The following HTR4 variants were observed in gnomAD, a reference collection of about 807,000 sequenced individuals.
HTR4 encodes 5-hydroxytryptamine (serotonin) receptor 4, G protein-coupled.
In HTR4, 16 loss-of-function variants were observed where a neutral mutation model predicts 36.8. That is an observed-to-expected ratio of 0.43 (90% confidence interval 0.29 to 0.66). HTR4 has a LOEUF of 0.66. Ranked by LOEUF, HTR4 falls within the 30% of genes least tolerant of loss-of-function variation. The probability of loss-of-function intolerance (pLI) is 0.13; values close to 1 mark genes in which losing one functional copy is unlikely to be tolerated. For synonymous variants in HTR4, 189 were observed against 185.1 expected (o/e 1.02, Z -0.17); for missense variants, 438 against 490.9 (o/e 0.89, Z 1.02).
At chr5:148,497,246 G>A (rs111749405) in intron 6 of HTR4, among the ~76,000 whole-genome samples, 14 of 152,240 alleles carry the variant, frequency 9.2e-5, no homozygotes, top group African/African-American at 3.4e-4. Context: ...GGAGTGGAGT[G>A]CAGTGGCACA....
intron 4 of HTR4, among the ~76,000 whole-genome samples, chr5:148,547,292 A>G (rs1364142774): frequency 1.3e-5 from 2 of 152,142 alleles, no homozygotes; most frequent in Non-Finnish European, 2.9e-5. Flanking sequence ...AGTTTCAGTC[A>G]ACTACTTTTC....
chr5:148,560,616 T>C (rs1760164777), intron 2 of HTR4, among the ~76,000 whole-genome samples: 1 of 152,238 alleles, frequency 6.6e-6, no homozygotes, highest in African/African-American at 2.4e-5. Context: ...ACCTACCATA[T>C]GGCAAACAAT....
intron 1 of HTR4, among the ~76,000 whole-genome samples, chr5:148,640,136 G>A (rs1327907217): frequency 1.3e-5 from 2 of 152,114 alleles, no homozygotes; most frequent in African/African-American, 2.4e-5. Flanking sequence ...TCCAAAACTC[G>A]AGCTTTAGCT....
chr5:148,532,388 A>G (rs1015962330), intron 4 of HTR4, among the ~76,000 whole-genome samples: 2 of 152,210 alleles, frequency 1.3e-5, no homozygotes, highest in Non-Finnish European at 2.9e-5. Flanking sequence ...GGCTAGTACA[A>G]TGCCAGATAT....
intron 2 of HTR4, among the ~76,000 whole-genome samples, chr5:148,609,595 T>C (rs945888342): frequency 6.6e-6 from 1 of 151,638 alleles, no homozygotes; most frequent in Admixed American, 6.6e-5. Context: ...TTTTTTTTTT[T>C]TGAGACTCCG....
intron 2 of HTR4, among the ~76,000 whole-genome samples, chr5:148,624,161 C>T (rs1753010315): frequency 6.6e-6 from 1 of 152,150 alleles, no homozygotes; most frequent in Admixed American, 6.5e-5. Flanking sequence ...AGTAGCAGCA[C>T]TTGTAGAAGA....
At chr5:148,497,549 C>A (rs1756742231) in intron 6 of HTR4, among the ~76,000 whole-genome samples, 1 of 152,142 alleles carries the variant, frequency 6.6e-6, no homozygotes, top group South Asian at 2.1e-4. Flanking sequence ...TCTTATTCCT[C>A]ACTTTAGTGG....
chr5:148,643,562 G>A (rs1346504714), intron 1 of HTR4, among the ~76,000 whole-genome samples: 1 of 152,170 alleles, frequency 6.6e-6, no homozygotes, highest in East Asian at 1.9e-4. Flanking sequence ...ATGTGCTTTT[G>A]CAATCACTTG....
At chr5:148,588,787 G>A (rs1761448334) in intron 2 of HTR4, among the ~76,000 whole-genome samples, 1 of 151,146 alleles carries the variant, frequency 6.6e-6, no homozygotes, top group Non-Finnish European at 1.5e-5. Flanking sequence ...TGATCCACCC[G>A]CCTCGGCCTC....
chr5:148,587,933 C>T (rs573216132), intron 2 of HTR4, among the ~76,000 whole-genome samples: 38 of 152,266 alleles, frequency 2.5e-4, no homozygotes, highest in Admixed American at 1.3e-3. Flanking sequence ...CTTGCACCCT[C>T]GTACTTCCTC....
chr5:148,485,101 C>T (rs1454195389), intron 6 of HTR4, among the ~76,000 whole-genome samples: 1 of 152,038 alleles, frequency 6.6e-6, no homozygotes, highest in Admixed American at 6.6e-5. Context: ...AATTTCTCAT[C>T]TCTCATTGGC....
intron 6 of HTR4, among the ~76,000 whole-genome samples, chr5:148,498,679 G>C (rs780376231): frequency 6.6e-6 from 1 of 152,134 alleles, no homozygotes; most frequent in Non-Finnish European, 1.5e-5. Context: ...AGCAGAAATA[G>C]AGAACAAATG....
intron 2 of HTR4, among the ~76,000 whole-genome samples, chr5:148,598,524 C>A (rs557186221): frequency 6.6e-6 from 1 of 151,762 alleles, no homozygotes; most frequent in Admixed American, 6.6e-5. Context: ...TGCACTCCAG[C>A]CTGGGTGACA....
chr5:148,557,306 A>C (rs149081121), intron 2 of HTR4, among the ~76,000 whole-genome samples: 55 of 152,284 alleles, frequency 3.6e-4, no homozygotes, highest in African/African-American at 1.3e-3. Context: ...GGGAGTAAAG[A>C]GATAGATAAC....
At chr5:148,614,941 C>T (rs1752600340) in intron 2 of HTR4, among the ~76,000 whole-genome samples, 2 of 152,144 alleles carry the variant, frequency 1.3e-5, no homozygotes, top group Non-Finnish European at 2.9e-5. Flanking sequence ...TGCTCACCAT[C>T]ACTGGCCATC....
At chr5:148,583,356 G>A in intron 2 of HTR4, among the ~76,000 whole-genome samples, 1 of 151,912 alleles carries the variant, frequency 6.6e-6, no homozygotes, top group Admixed American at 6.6e-5. Context: ...AGTGGGTGCA[G>A]CGCACTAGCA....
chr5:148,537,919 G>A (rs886064198), intron 4 of HTR4, among the ~76,000 whole-genome samples: 13 of 152,032 alleles, frequency 8.6e-5, no homozygotes, highest in African/African-American at 3.1e-4. Context: ...ACACCTGGCA[G>A]AGAAACAACA....
At chr5:148,493,070 AG>A (rs1465453901) in intron 6 of HTR4, among the ~76,000 whole-genome samples, 9 of 152,250 alleles carry the variant, frequency 5.9e-5, no homozygotes, top group Non-Finnish European at 1.3e-4. Flanking sequence ...TTTTGCAAAA[AG>A]CACTAACTTT....
chr5:148,601,717 T>C (rs943859895), intron 2 of HTR4, among the ~76,000 whole-genome samples: 2 of 151,978 alleles, frequency 1.3e-5, no homozygotes, highest in African/African-American at 2.4e-5. Context: ...GGGAGGATCA[T>C]TGGAGCTTGG....
Sources: gnomAD v4.1 joint callset for allele counts (sites outside exome capture counted in the v4.1 genomes callset) on GRCh38, gnomAD v4.1.1 for gene constraint, MANE v1.5 for transcripts, NCBI Gene and HGNC (gene_info 2026-07-23, HGNC 2026-07-21) for gene names.